BMPR1B: variants seen among roughly 807,000 people sequenced by gnomAD.
The protein encoded by BMPR1B is bone morphogenetic protein receptor type 1B, also known as bone morphogenetic protein receptor type-1B.
A neutral mutation model predicts 59.1 loss-of-function variants in BMPR1B; 12 were observed. That is an observed-to-expected ratio of 0.20 (90% CI 0.13 to 0.33). The LOEUF is 0.33. BMPR1B is among the 10% of genes least tolerant of loss of function. The pLI is 1.00. For missense variants in BMPR1B, 550 were observed against 610.9 expected (o/e 0.90, Z 1.05); for synonymous variants, 237 against 207.3 (o/e 1.14, Z -1.23).
intron 2 of BMPR1B, among the ~76,000 whole-genome samples, chr4:94,968,424 T>A (rs1730641601): frequency 6.6e-6 from 1 of 152,130 alleles, no homozygotes; most frequent in South Asian, 2.1e-4. Context: ...TAAACATTTT[T>A]AAATGAAAAT....
chr4:95,029,930 G>A (rs1384401914), intron 3 of BMPR1B, among the ~76,000 whole-genome samples: 2 of 152,076 alleles, frequency 1.3e-5, no homozygotes, highest in Non-Finnish European at 2.9e-5. Context: ...AGAAGTGTCT[G>A]TTCATATCCT....
At chr4:94,906,607 G>T (rs1447219852) in intron 2 of BMPR1B, among the ~76,000 whole-genome samples, 1 of 151,926 alleles carries the variant, frequency 6.6e-6, no homozygotes, top group African/African-American at 2.4e-5. Context: ...ATATACCTAT[G>T]TAACAAACCA....
intron 2 of BMPR1B, among the ~76,000 whole-genome samples, chr4:94,949,715 A>G (rs2149052899): frequency 1.3e-5 from 2 of 152,276 alleles, no homozygotes; most frequent in Middle Eastern, 6.8e-3. Flanking sequence ...GTTGGTTCCA[A>G]GTCTTTGCTA....
At chr4:95,072,234 C>T (rs1047181597) in intron 3 of BMPR1B, among the ~76,000 whole-genome samples, 3 of 152,100 alleles carry the variant, frequency 2.0e-5, no homozygotes, top group African/African-American at 4.8e-5. Context: ...GAGGCCCACC[C>T]GCAGTAGGGA....
chr4:94,968,609 G>C lies in BMPR1B; in HGVS notation c.-112-27431G>C, dbSNP rs569478665. 6.5e-4 allele frequency among the ~76,000 whole-genome samples: 99 copies of C among 152,190 alleles called. 1 individual carries two copies. Among genetic ancestry groups the C allele is most frequent in the African/African-American group, 2.2e-3 (93 of 41,534 alleles). ...TACTTCTTAATTTAGTTTTGACGTT[G>C]ACCCTTATGCTACAACTTTCCAAGG... On this transcript the variant is annotated intron_variant, in intron 2 of 12. Transcript: ENST00000515059.
chr4:94,959,630 T>C (rs1578851518), intron 2 of BMPR1B, among the ~76,000 whole-genome samples: 1 of 152,170 alleles, frequency 6.6e-6, no homozygotes, highest in African/African-American at 2.4e-5. Context: ...TTTCTTGAAA[T>C]GTAATATAAA....
At chr4:95,091,353 A>T (rs1488198841) in intron 3 of BMPR1B, 1 of 532,596 alleles carries the variant, frequency 1.9e-6, no homozygotes, top group African/African-American at 2.1e-5. Context: ...GTCATATGCC[A>T]TGGGTCCTGA....
intron 2 of BMPR1B, among the ~76,000 whole-genome samples, chr4:94,948,708 A>G (rs1250707532): frequency 1.3e-5 from 2 of 152,192 alleles, no homozygotes; most frequent in East Asian, 3.9e-4. Context: ...TCATTTATAA[A>G]TCAGAGCTTT....
intron 1 of BMPR1B, among the ~76,000 whole-genome samples, chr4:94,814,536 T>C (rs1723938500): frequency 6.6e-6 from 1 of 152,202 alleles, no homozygotes; most frequent in African/African-American, 2.4e-5. Context: ...GGCACATTAT[T>C]TACCATTCTT....
At chr4:95,094,443 A>AGGAAGAC (rs2149252741) in intron 3 of BMPR1B, among the ~76,000 whole-genome samples, 1 of 152,112 alleles carries the variant, frequency 6.6e-6, no homozygotes, top group African/African-American at 2.4e-5. Flanking sequence ...AGAAAAGGAA[A>AGGAAGAC]GGAAGACAAA....
chr4:94,875,533 A>G (rs529201124), intron 1 of BMPR1B, among the ~76,000 whole-genome samples: 2 of 152,232 alleles, frequency 1.3e-5, no homozygotes, highest in East Asian at 3.9e-4. Context: ...AAATACAAAA[A>G]ATTAGCCATG....
chr4:94,858,888 TC>T (rs1480151913), intron 1 of BMPR1B, among the ~76,000 whole-genome samples: 1 of 152,234 alleles, frequency 6.6e-6, no homozygotes, highest in African/African-American at 2.4e-5. Flanking sequence ...CTTAAATTCT[TC>T]TAATTATTCA....
chr4:95,073,356 C>A (rs951412035), intron 3 of BMPR1B, among the ~76,000 whole-genome samples: 2 of 152,156 alleles, frequency 1.3e-5, no homozygotes, highest in African/African-American at 4.8e-5. Flanking sequence ...ATTATCCTGA[C>A]TGCTATGCAA....
At chr4:94,985,841 C>T (rs971058255) in intron 2 of BMPR1B, among the ~76,000 whole-genome samples, 1 of 152,050 alleles carries the variant, frequency 6.6e-6, no homozygotes, top group African/African-American at 2.4e-5. Context: ...ATTGCCTATC[C>T]CGATGAACAA....
chr4:94,878,637 G>A (rs1726831566), intron 2 of BMPR1B, among the ~76,000 whole-genome samples: 1 of 151,966 alleles, frequency 6.6e-6, no homozygotes, highest in Non-Finnish European at 1.5e-5. Context: ...ACTGCATTCT[G>A]AGTGACTCCA....
chr4:95,021,072 C>G (rs914115587), intron 3 of BMPR1B, among the ~76,000 whole-genome samples: 6 of 152,046 alleles, frequency 3.9e-5, no homozygotes, highest in Admixed American at 2.0e-4. Flanking sequence ...AGAAAATACG[C>G]TGAAAGAAAT....
rs1722680680 is a variant in BMPR1B, at chr4:94,784,179, AG to A, written c.-183+26112del. 5.3e-5 allele frequency among the ~76,000 whole-genome samples: 8 copies of A among 152,242 alleles called. No individual in the cohort carries two copies. In the South Asian group the frequency reaches 1.7e-3, roughly 32 times the overall value. ...TTGGCTGGAGAGGGTAGGTCTGTGG[AG>A]CTCCTCATACTGCCATTCTAGAAGT... On this transcript the variant is annotated intron_variant, in intron 1 of 12. Transcript: ENST00000515059.
At chr4:94,895,818 C>T (rs969866582) in intron 2 of BMPR1B, among the ~76,000 whole-genome samples, 1 of 151,710 alleles carries the variant, frequency 6.6e-6, no homozygotes, top group Non-Finnish European at 1.5e-5. Flanking sequence ...AGACTAGATG[C>T]TTTAGTTAAT....
chr4:95,091,897 A>AT (rs1360127434), intron 3 of BMPR1B, among the ~76,000 whole-genome samples: 2 of 152,052 alleles, frequency 1.3e-5, no homozygotes, highest in East Asian at 1.9e-4. Context: ...TATATGTATT[A>AT]TTTTAACTTT....
Sources: allele counts gnomAD v4.1 joint callset (sites outside exome capture counted in the v4.1 genomes callset), GRCh38; gene constraint gnomAD v4.1.1; transcripts MANE v1.5; gene names NCBI Gene and HGNC (gene_info 2026-07-23, HGNC 2026-07-21).